The following DGLUCY variants were observed in gnomAD, a reference collection of about 807,000 sequenced individuals.
DGLUCY encodes D-glutamate cyclase.
A neutral mutation model predicts 58.5 loss-of-function variants in DGLUCY; 58 were observed. The ratio of observed to expected loss-of-function variants is 0.99; its 90% CI spans 0.80 to 1.23. The LOEUF is 1.23. Ranked by LOEUF, DGLUCY falls within the 50% of genes most tolerant of loss-of-function variation. The pLI, the probability that DGLUCY is intolerant of heterozygous loss-of-function variation, is 0.00. For synonymous variants in DGLUCY, 325 were observed against 314.1 expected (o/e 1.03, Z -0.37); for missense variants, 779 against 784.7 (o/e 0.99, Z 0.09).
chr14:91,084,735 G>A (rs1444545461), intron 1 of DGLUCY, among the ~76,000 whole-genome samples: 1 of 152,252 alleles, frequency 6.6e-6, no homozygotes, highest in Non-Finnish European at 1.5e-5. Flanking sequence ...TGGAGGAGGA[G>A]AGAGGCACCC....
At chr14:91,083,710 T>A (rs2044166641) in intron 1 of DGLUCY, among the ~76,000 whole-genome samples, 1 of 151,958 alleles carries the variant, frequency 6.6e-6, no homozygotes, top group African/African-American at 2.4e-5. Context: ...GCCAGCAATG[T>A]TTTTCTGGTT....
intron 13 of DGLUCY, 161 bp downstream of exon 13, chr14:91,215,717 C>T: frequency 6.6e-7 from 1 of 1,525,594 alleles, no homozygotes; most frequent in East Asian, 2.5e-5. Context: ...GATTGGGTGC[C>T]CTTTAAGCTA....
chr14:91,089,765 G>A (rs1203158094), intron 1 of DGLUCY, among the ~76,000 whole-genome samples: 1 of 150,486 alleles, frequency 6.6e-6, no homozygotes, highest in Non-Finnish European at 1.5e-5. Context: ...AGCTTGCAGT[G>A]AGCCGAGATC....
At chr14:91,178,473 A>G (rs1000179691) in intron 7 of DGLUCY, among the ~76,000 whole-genome samples, 1 of 152,128 alleles carries the variant, frequency 6.6e-6, no homozygotes, top group Non-Finnish European at 1.5e-5. Flanking sequence ...TTGAACTTCA[A>G]TATTTAAACT....
In DGLUCY at chr14:91,186,230, A is replaced by G. The variant is rs576597473; in HGVS notation, c.935-2680A>G. Among the ~76,000 whole-genome samples the G allele has an allele frequency of 3.9e-5, 6 of 152,090 alleles. No individual in the cohort carries two copies. In the East Asian group the frequency reaches 1.2e-3, roughly 29 times the overall value. On this transcript the variant is annotated intron_variant, in intron 8 of 13. Coordinates refer to ENST00000256324, the MANE Select transcript of DGLUCY (RefSeq NM_001102368.3). Reference sequence around the variant, plus strand: ...TACATCCCAATTTTTTTATTTAAAAATGTTGTTATTCTTCTCCTCGCCCCC... The same window carrying G: ...TACATCCCAATTTTTTTATTTAAAAGTGTTGTTATTCTTCTCCTCGCCCCC...
In DGLUCY at chr14:91,215,469, C is replaced by G. The variant is rs1244664453; in HGVS notation, c.1629C>G (p.Val543=). Residue 543 remains valine (V), a synonymous_variant, in exon 13 of 14, where the codon GTC becomes GTG. Transcript: ENST00000256324. Reference sequence around the variant, plus strand: ...TCTACATCCTGTACTCATGTGCTGTCCACAGTCAGTACCTGAGGAAAGCAG... The same window carrying G: ...TCTACATCCTGTACTCATGTGCTGTGCACAGTCAGTACCTGAGGAAAGCAG... The part of the protein sequence containing the change: ...CALYILYSCA[V]HSQYLRKAVG... 4.3e-6 allele frequency: 7 copies of G among 1,614,110 alleles called. No individual in the cohort carries two copies. The highest frequency in any genetic ancestry group is 5.9e-6 in the Non-Finnish European group (7 of 1,180,040).
At position 91,160,369 on chromosome 14, in the gene DGLUCY, C is replaced by T. The variant is rs758608074; in HGVS notation, c.75C>T (p.Asn25=). ...IRSLILQKKP[N]IRNTSSMAGE... is the part of the protein sequence containing the mutation. Reference sequence around the variant, plus strand: ...GTTTGATTCTACAAAAGAAACCAAACATCAGAAATACATCCAGCATGGCTG... The same window carrying T: ...GTTTGATTCTACAAAAGAAACCAAATATCAGAAATACATCCAGCATGGCTG... The change falls in exon 3 of 14, where the codon AAC becomes AAT. Residue 25 remains asparagine, a synonymous_variant. Transcript: ENST00000256324. The T allele has an allele frequency of 5.2e-5, 73 of 1,413,090 alleles. No individual in the cohort carries two copies. Among genetic ancestry groups the T allele is most frequent in the Admixed American group, 6.3e-5 (3 of 47,924 alleles). 87.5% of individuals were successfully genotyped at this position (1,413,090 alleles called of 1,614,324 possible). A position where few individuals can be genotyped will look rare whatever the true frequency, so the allele number is the denominator to read the frequency against.
chr14:91,210,619 A>G (rs1306505933), intron 12 of DGLUCY, among the ~76,000 whole-genome samples: 1 of 152,252 alleles, frequency 6.6e-6, no homozygotes, highest in East Asian at 1.9e-4. Context: ...AAGAAAAATC[A>G]CATGTTCATG....
intron 1 of DGLUCY, among the ~76,000 whole-genome samples, chr14:91,127,631 G>A (rs1277193817): frequency 1.3e-5 from 2 of 152,236 alleles, no homozygotes; most frequent in African/African-American, 4.8e-5. Context: ...CAGGGAGCCA[G>A]GGGAAACTGC....
At chr14:91,142,961 C>T (rs938268973) in intron 1 of DGLUCY, among the ~76,000 whole-genome samples, 6 of 130,956 alleles carry the variant, frequency 4.6e-5, no homozygotes, top group African/African-American at 1.8e-4. Context: ...AATGGAAAGG[C>T]GGAAGTTGCA....
intron 1 of DGLUCY, among the ~76,000 whole-genome samples, chr14:91,127,053 C>CTTTTTTTTT (rs11407228): frequency 3.1e-5 from 3 of 98,342 alleles, no homozygotes; most frequent in African/African-American, 4.0e-5. Flanking sequence ...TGATGATACT[C>CTTTTTTTTT]TTTTTTTTTT....
At chr14:91,117,120 A>G (rs945474707) in intron 1 of DGLUCY, among the ~76,000 whole-genome samples, 29 of 152,178 alleles carry the variant, frequency 1.9e-4, no homozygotes, top group African/African-American at 5.8e-4. Context: ...CTTTACACAA[A>G]ATAAGGTAAT....
At position 91,066,335 on chromosome 14, in the gene DGLUCY, G is replaced by A. The variant is rs185297714; in HGVS notation, c.-82+5631G>A. Among the ~76,000 whole-genome samples the A allele has an allele frequency of 7.7e-4, 114 of 147,998 alleles. 2 individuals are homozygous for A. In the East Asian group the frequency reaches 0.016, roughly 20 times the overall value. Reference sequence around the variant, plus strand: ...AGAGGTTGCAGTGAGCTGAGATTGCGCCATTGCACTCCAGGCTGGGTACCA... The same window carrying A: ...AGAGGTTGCAGTGAGCTGAGATTGCACCATTGCACTCCAGGCTGGGTACCA... On this transcript the variant is annotated intron_variant, in intron 1 of 4. Transcript: ENST00000521334.
At chr14:91,160,538 A>T (rs879631108) in intron 3 of DGLUCY, 141 bp downstream of exon 3, 4 of 647,144 alleles carry the variant, frequency 6.2e-6, no homozygotes, top group Non-Finnish European at 1.0e-5. Flanking sequence ...GAATGATATT[A>T]GCTCTGGTCA....
chr14:91,160,417 TAAAAAAAAAAAAA>T lies in DGLUCY; in HGVS notation c.103+32_103+44del, dbSNP rs34785372. On this transcript the variant is annotated intron_variant, in intron 3 of 13. Transcript: ENST00000256324. Reference sequence around the variant, plus strand: ...CTGGAGGTAAGTGGTGCCAGATAGTTAAAAAAAAAAAAAAAAAAAAAAAAGAAAGTTCCTGGGA... The same window carrying T: ...CTGGAGGTAAGTGGTGCCAGATAGTTAAAAAAAAAAAGAAAGTTCCTGGGA... The T allele has an allele frequency of 1.9e-4, 109 of 579,484 alleles. No homozygotes were observed. The highest frequency in any genetic ancestry group is 6.7e-4 in the South Asian group (27 of 40,578). The allele number at this position is 579,484 out of a possible 1,614,324, so 35.9% of individuals were successfully genotyped here. A position where few individuals can be genotyped will look rare whatever the true frequency, so the allele number is the denominator to read the frequency against.
At chr14:91,081,575 A>G (rs1407668787) in intron 1 of DGLUCY, among the ~76,000 whole-genome samples, 1 of 152,126 alleles carries the variant, frequency 6.6e-6, no homozygotes, top group African/African-American at 2.4e-5. Context: ...GCTAAGATCG[A>G]GGCATCGGTA....
chr14:91,188,701 G>A (rs1345461548), intron 8 of DGLUCY, among the ~76,000 whole-genome samples: 29 of 152,038 alleles, frequency 1.9e-4, no homozygotes, highest in Non-Finnish European at 2.9e-5. Context: ...GTGGTGGCGC[G>A]TGCCTGTAGC....
chr14:91,066,919 A>G (rs897530347), intron 1 of DGLUCY, among the ~76,000 whole-genome samples: 3 of 150,976 alleles, frequency 2.0e-5, no homozygotes, highest in African/African-American at 7.3e-5. Context: ...TCTCTACTAA[A>G]AAAAAAAAAA....
In DGLUCY at chr14:91,176,040, A is replaced by G; in HGVS notation, c.714A>G (p.Gly238=). Residue 238 remains glycine (G), a synonymous_variant, in exon 7 of 14, where the codon GGA becomes GGG. Transcript: ENST00000256324. ...VFWPSPLTSL[G]AVSSCETPLA... ...GGCCTTCTCCGCTGACCAGTCTCGG[A>G]GCTGTCAGCAGCTGTGGTACGTTGG... The G allele has an allele frequency of 6.2e-7, 1 of 1,613,860 alleles. No individual in the cohort carries two copies. The highest frequency in any genetic ancestry group is 8.5e-7 in the Non-Finnish European group (1 of 1,179,830).
Sources: allele counts gnomAD v4.1 joint callset (sites outside exome capture counted in the v4.1 genomes callset), GRCh38; gene constraint gnomAD v4.1.1; transcripts MANE v1.5; gene names NCBI Gene and HGNC (gene_info 2026-07-23, HGNC 2026-07-21).